TAS2R1: variants seen among roughly 807,000 people sequenced by gnomAD.
TAS2R1 encodes taste receptor type 2 member 1.
For synonymous variants in TAS2R1, 141 were observed against 134.2 expected (o/e 1.05, Z -0.35); for missense variants, 370 against 353.4 (o/e 1.05, Z -0.38).
the TAS2R1 span, among the ~76,000 whole-genome samples, chr5:9,850,436 T>C: frequency 6.6e-6 from 1 of 152,356 alleles, no homozygotes; most frequent in Admixed American, 6.5e-5. Context: ...TATTATTCAC[T>C]GTTAGCTTGT....
the TAS2R1 span, among the ~76,000 whole-genome samples, chr5:9,779,210 C>T: frequency 6.6e-6 from 1 of 152,218 alleles, no homozygotes; most frequent in Non-Finnish European, 1.5e-5. Flanking sequence ...TCCTCTCTCC[C>T]TTGCTCCATC....
chr5:9,753,760 A>C, the TAS2R1 span, among the ~76,000 whole-genome samples: 1 of 152,144 alleles, frequency 6.6e-6, no homozygotes, highest in African/African-American at 2.4e-5. Context: ...TCAGCTTTCT[A>C]CATATGGCTA....
intron 2 of TAS2R1, among the ~76,000 whole-genome samples, chr5:9,652,171 T>C (rs1213086888): frequency 1.3e-5 from 2 of 152,236 alleles, no homozygotes; most frequent in African/African-American, 4.8e-5. Flanking sequence ...GAGACATATC[T>C]TTCTTACACA....
the TAS2R1 span, among the ~76,000 whole-genome samples, chr5:9,863,554 C>T: frequency 6.6e-6 from 1 of 152,240 alleles, no homozygotes; most frequent in African/African-American, 2.4e-5. Context: ...CGTGAGCCAC[C>T]GCACCTAGCC....
At chr5:9,782,842 T>C in the TAS2R1 span, among the ~76,000 whole-genome samples, 1 of 152,102 alleles carries the variant, frequency 6.6e-6, no homozygotes, top group Non-Finnish European at 1.5e-5. Flanking sequence ...GATTCTTATC[T>C]GAAAACCAAT....
the TAS2R1 span, among the ~76,000 whole-genome samples, chr5:9,852,912 T>C: frequency 9.2e-5 from 14 of 152,224 alleles, no homozygotes; most frequent in Non-Finnish European, 1.5e-5. Context: ...TGAATGAGCA[T>C]GACACTTCTC....
At chr5:9,734,891 T>G in the TAS2R1 span, among the ~76,000 whole-genome samples, 6 of 151,554 alleles carry the variant, frequency 4.0e-5, no homozygotes, top group Admixed American at 3.3e-4. Flanking sequence ...TCATTTTTAT[T>G]TAGAAATGTA....
At chr5:9,758,321 C>T in the TAS2R1 span, among the ~76,000 whole-genome samples, 7 of 152,226 alleles carry the variant, frequency 4.6e-5, no homozygotes, top group East Asian at 1.9e-4. Context: ...TTGTCAGTTA[C>T]GTATACACAA....
At chr5:9,778,815 T>C in the TAS2R1 span, among the ~76,000 whole-genome samples, 1 of 152,270 alleles carries the variant, frequency 6.6e-6, no homozygotes, top group Non-Finnish European at 1.5e-5. Context: ...TTTGATCTTC[T>C]AGCCAGACTG....
At chr5:9,673,888 T>C (rs958365056) in intron 1 of TAS2R1, among the ~76,000 whole-genome samples, 14 of 152,122 alleles carry the variant, frequency 9.2e-5, no homozygotes, top group Non-Finnish European at 1.3e-4. Context: ...GCTCATCCCC[T>C]AAATGAGAGC....
At chr5:9,781,300 G>C in the TAS2R1 span, among the ~76,000 whole-genome samples, 1 of 152,016 alleles carries the variant, frequency 6.6e-6, no homozygotes, top group Non-Finnish European at 1.5e-5. Flanking sequence ...ATCATCCTTG[G>C]CTCCTCTCAT....
At chr5:9,759,256 C>T in the TAS2R1 span, among the ~76,000 whole-genome samples, 1 of 152,166 alleles carries the variant, frequency 6.6e-6, no homozygotes, top group Admixed American at 6.5e-5. Flanking sequence ...GAGGCTGAAA[C>T]CATGGGCTCA....
the TAS2R1 span, among the ~76,000 whole-genome samples, chr5:9,743,819 T>TGAG: frequency 6.6e-6 from 1 of 151,864 alleles, no homozygotes; most frequent in Non-Finnish European, 1.5e-5. Flanking sequence ...CAAAGGCAAG[T>TGAG]GAGGAGGAGG....
At chr5:9,689,059 G>T (rs1000318269) in intron 1 of TAS2R1, among the ~76,000 whole-genome samples, 1 of 152,092 alleles carries the variant, frequency 6.6e-6, no homozygotes, top group African/African-American at 2.4e-5. Context: ...GAACTCACCT[G>T]CTTCAAGAAG....
chr5:9,795,568 CAGA>C, the TAS2R1 span, among the ~76,000 whole-genome samples: 9 of 152,114 alleles, frequency 5.9e-5, no homozygotes, highest in Non-Finnish European at 1.2e-4. Flanking sequence ...CTTGAGGACT[CAGA>C]AGATGAAGCT....
chr5:9,895,819 C>T, the TAS2R1 span, among the ~76,000 whole-genome samples: 1 of 152,170 alleles, frequency 6.6e-6, no homozygotes, highest in African/African-American at 2.4e-5. Flanking sequence ...GCATCAGTTG[C>T]CCTAATAAGA....
intron 1 of TAS2R1, among the ~76,000 whole-genome samples, chr5:9,687,227 C>T (rs1741143039): frequency 6.6e-6 from 1 of 152,196 alleles, no homozygotes; most frequent in Non-Finnish European, 1.5e-5. Flanking sequence ...GCCTCAGCCT[C>T]CCAAAGTGCT....
chr5:9,777,379 G>C, the TAS2R1 span, among the ~76,000 whole-genome samples: 1 of 152,230 alleles, frequency 6.6e-6, no homozygotes, highest in African/African-American at 2.4e-5. Flanking sequence ...CCTCTCAAGA[G>C]ACCACTTTCT....
chr5:9,825,969 G>T, the TAS2R1 span, among the ~76,000 whole-genome samples: 1 of 152,098 alleles, frequency 6.6e-6, no homozygotes, highest in Non-Finnish European at 1.5e-5. Flanking sequence ...GTTATTAAAG[G>T]CCAAAATCCA....
Sources: gnomAD v4.1 joint callset for allele counts (sites outside exome capture counted in the v4.1 genomes callset) on GRCh38, gnomAD v4.1.1 for gene constraint, MANE v1.5 for transcripts, NCBI Gene and HGNC (gene_info 2026-07-23, HGNC 2026-07-21) for gene names.